Variants in DLX3 observed in about 807,000 individuals in gnomAD.
DLX3 encodes the protein homeobox protein DLX-3.
Under a neutral mutation model 28.0 loss-of-function variants are expected in DLX3, and 9 were observed. The observed-to-expected ratio is 0.32, with a 90% confidence interval of 0.19 to 0.56. DLX3 has a LOEUF of 0.56. DLX3 is among the 20% of genes least tolerant of loss of function. The pLI is 0.91. For missense variants in DLX3, 313 were observed against 378.2 expected (o/e 0.83, Z 1.43); for synonymous variants, 154 against 167.9 (o/e 0.92, Z 0.64).
rs1332407095 is a variant in DLX3 at position 49,994,878 on chromosome 17, C to A, written c.121G>T (p.Gly41Cys). 2.5e-6 allele frequency: 4 copies of A among 1,614,204 alleles called. No homozygotes were observed. The highest frequency in any genetic ancestry group is 2.5e-6 in the Non-Finnish European group (3 of 1,180,044). Reference protein sequence around the residue: ...TLPESSVTDLGYYSAPQHDYY... With the variant: ...TLPESSVTDLCYYSAPQHDYY... ...TCGTGCTGGGGAGCGCTGTAGTAGCCCAGGTCAGTGACAGAAGACTCGGGC... is the reference window on the plus strand; with the variant it reads ...TCGTGCTGGGGAGCGCTGTAGTAGCACAGGTCAGTGACAGAAGACTCGGGC... Residue 41 changes from glycine to cysteine, a missense_variant, in exon 1 of 3, where the codon GGC becomes TGC. Gly to Cys is a radical substitution (Grantham distance 159, BLOSUM62 -3). This residue lies in a region of DLX3 where 183 missense variants were observed against 197.7 expected (regional missense o/e 0.93). Coordinates refer to ENST00000434704, the MANE Select transcript of DLX3 (RefSeq NM_005220.3).
chr17:49,994,094 C>CA (rs2144186300), intron 1 of DLX3, among the ~76,000 whole-genome samples: 1 of 135,592 alleles, frequency 7.4e-6, no homozygotes, highest in South Asian at 2.7e-4. Flanking sequence ...TTCTTCCCCC[C>CA]TTCCTTCTCT....
At chr17:49,991,913 A>C in intron 2 of DLX3, 49 bp from the exon 3 acceptor site, 1 of 1,574,794 alleles carries the variant, frequency 6.4e-7, no homozygotes, top group Non-Finnish European at 8.7e-7. Flanking sequence ...AGAATGCTAA[A>C]ACAACCCTGG....
Position 49,991,810 on chromosome 17 carries a change from C to G in DLX3, c.571G>C (p.Gly191Arg), listed in dbSNP as rs145991664. The G allele has an allele frequency of 3.1e-6, 5 of 1,614,072 alleles. No homozygotes were observed. Among genetic ancestry groups the G allele is most frequent in the Non-Finnish European group, 8.5e-7 (1 of 1,180,022 alleles). ...RSKFKKLYKN[G>R]EVPLEHSPNN... Reference sequence around the variant, plus strand: ...GGACTGTGCTCCAGCGGCACCTCCCCGTTCTTGTAGAGTTTCTTGAACTTG... The same window carrying G: ...GGACTGTGCTCCAGCGGCACCTCCCGGTTCTTGTAGAGTTTCTTGAACTTG... The change falls in exon 3 of 3, where the codon GGG becomes CGG. Residue 191 changes from glycine (G) to arginine (R), a missense_variant. By Grantham distance (125) the Gly-to-Arg change is moderately radical. Around this residue, in one of 3 missense-constraint regions of DLX3, gnomAD observed 120 missense variants for 145.4 expected, o/e 0.83. Transcript: ENST00000434704.
In DLX3 at chr17:49,994,882, G is replaced by A; in HGVS notation, c.117C>T (p.Asp39=). ...GCTGGGGAGCGCTGTAGTAGCCCAG[G>A]TCAGTGACAGAAGACTCGGGCAGGG... ...SPTLPESSVT[D]LGYYSAPQHD... The change falls in exon 1 of 3, where the codon GAC becomes GAT. Residue 39 remains aspartate, a synonymous_variant. Transcript: ENST00000434704. The A allele has an allele frequency of 6.2e-7, 1 of 1,614,244 alleles. No individual in the cohort carries two copies. Among genetic ancestry groups the A allele is most frequent in the East Asian group, 2.2e-5 (1 of 44,886 alleles).
chr17:49,992,591 C>T (rs900044904), intron 2 of DLX3, among the ~76,000 whole-genome samples: 1 of 152,136 alleles, frequency 6.6e-6, no homozygotes, highest in Non-Finnish European at 1.5e-5. Flanking sequence ...GTATCTCCCC[C>T]TCCCCCTGCC....
intron 2 of DLX3, 119 bp downstream of exon 2, chr17:49,993,281 C>A: frequency 9.0e-7 from 1 of 1,113,022 alleles, no homozygotes; most frequent in South Asian, 1.5e-5. Context: ...AGGCCCCCAT[C>A]CCAAAGGCAA....
Position 49,994,611 on chromosome 17 carries a change from C to G in DLX3, c.325+63G>C, listed in dbSNP as rs1906212867. On this transcript the variant is annotated intron_variant, in intron 1 of 2. Transcript: ENST00000434704. ...CCTAGATTTTGGCTTCCAGTCCATG[C>G]CTTTTCCTCCCTCGGGAACCTTCCA... 6 of 1,588,278 alleles carry G rather than the reference C, an allele frequency of 3.8e-6. No homozygotes were observed. In the South Asian group the frequency reaches 5.6e-5, roughly 15 times the overall value.
Position 49,995,188 on chromosome 17 carries a change from G to C in DLX3, c.-190C>G. On this transcript the variant is annotated 5_prime_UTR_variant, in exon 1 of 3. Coordinates refer to ENST00000434704, the MANE Select transcript of DLX3 (RefSeq NM_005220.3). ...TTGCCTGCCGTCAGGCGGTCGCTGC[G>C]CGCCTCTCCTCGCGTCCCAAGCCAC... 1 of 708,978 alleles carries C rather than the reference G, an allele frequency of 1.4e-6. No individual in the cohort carries two copies. Among genetic ancestry groups the C allele is most frequent in the Non-Finnish European group, 2.4e-6 (1 of 419,708 alleles). The allele number at this position is 708,978 out of a possible 1,614,324, so 43.9% of individuals were successfully genotyped here.
chr17:49,993,904 G>A (rs1490844142), intron 1 of DLX3, among the ~76,000 whole-genome samples: 3 of 152,000 alleles, frequency 2.0e-5, no homozygotes, highest in Non-Finnish European at 4.4e-5. Context: ...TCCCAGCCTC[G>A]GGGCTCCTCG....
Position 49,990,300 on chromosome 17 carries a change from A to G in DLX3, c.*1217T>C, listed in dbSNP as rs1217686408. ...CTTCTCTCTGTTGCTCTTAAAAAAA[A>G]AAAACTTACTATATATTTATATATA... On this transcript the variant is annotated 3_prime_UTR_variant, in exon 3 of 3. Coordinates refer to ENST00000434704, the MANE Select transcript of DLX3 (RefSeq NM_005220.3). 1 of 151,886 alleles carries G rather than the reference A, an allele frequency of 6.6e-6. No homozygotes were observed. The highest frequency in any genetic ancestry group is 1.5e-5 in the Non-Finnish European group (1 of 67,998). 9.4% of individuals were successfully genotyped at this position (151,886 alleles called of 1,614,324 possible).
chr17:49,992,641 C>A (rs1157697084), intron 2 of DLX3, among the ~76,000 whole-genome samples: 1 of 152,106 alleles, frequency 6.6e-6, no homozygotes, highest in Non-Finnish European at 1.5e-5. Context: ...TGAATCAGCT[C>A]CTCACCAGGT....
At position 49,994,802 on chromosome 17, in the gene DLX3, T is replaced by C. The variant is rs1906220264; in HGVS notation, c.197A>G (p.His66Arg). The C allele has an allele frequency of 6.2e-7, 1 of 1,614,114 alleles. No homozygotes were observed. The highest frequency in any genetic ancestry group is 1.1e-5 in the South Asian group (1 of 91,074). ...AAGCCCATTGAGATTGAATTGGTGGTGGTAGGTGTAGGGGTTCACCGTCTG... is the reference window on the plus strand; with the variant it reads ...AAGCCCATTGAGATTGAATTGGTGGCGGTAGGTGTAGGGGTTCACCGTCTG... ...YGQTVNPYTY[H>R]HQFNLNGLAG... The change falls in exon 1 of 3, where the codon CAC becomes CGC. Residue 66 changes from histidine (H) to arginine (R), a missense_variant. By Grantham distance (29) the His-to-Arg change is conservative (BLOSUM62 0). Coordinates refer to ENST00000434704, the MANE Select transcript of DLX3 (RefSeq NM_005220.3).
Position 49,993,480 on chromosome 17 carries a change from G to A in DLX3, c.436C>T (p.Arg146Cys), listed in dbSNP as rs1205897217. The A allele has an allele frequency of 2.4e-5, 38 of 1,612,686 alleles. No homozygotes were observed. Among genetic ancestry groups the A allele is most frequent in the Non-Finnish European group, 3.0e-5 (35 of 1,179,420 alleles). The change falls in exon 2 of 3, where the codon CGC becomes TGC. Residue 146 changes from arginine to cysteine, a missense_variant. By Grantham distance (180) the Arg-to-Cys change is radical. Transcript: ENST00000434704. Reference sequence around the variant, plus strand: ...AGGTACTGGGCCTTCTGGAAGCGGCGCTGCAGGGCGGCCAGCTGGTAGCTG... The same window carrying A: ...AGGTACTGGGCCTTCTGGAAGCGGCACTGCAGGGCGGCCAGCTGGTAGCTG... ...YSSYQLAALQ[R>C]RFQKAQYLAL...
Position 49,991,312 on chromosome 17 carries a change from A to G in DLX3, c.*205T>C, listed in dbSNP as rs1331891614. On this transcript the variant is annotated 3_prime_UTR_variant, in exon 3 of 3. Coordinates refer to ENST00000434704, the MANE Select transcript of DLX3 (RefSeq NM_005220.3). ...CATCTGGAGGGGTACCCCAGTGTCT[A>G]GGCAGAGGGAGGGAGGTTCAGGGGG... The G allele has an allele frequency of 1.7e-6, 1 of 575,292 alleles. No individual in the cohort carries two copies. The highest frequency in any genetic ancestry group is 1.9e-5 in the African/African-American group (1 of 53,322). The allele number at this position is 575,292 out of a possible 1,614,324, so 35.6% of individuals were successfully genotyped here. A position where few individuals can be genotyped will look rare whatever the true frequency, so the allele number is the denominator to read the frequency against.
chr17:49,993,889 TCG>T (rs1290886692), intron 1 of DLX3, among the ~76,000 whole-genome samples: 1 of 152,072 alleles, frequency 6.6e-6, no homozygotes, highest in African/African-American at 2.4e-5. Flanking sequence ...CCTTCCCGGC[TCG>T]CCTCCCAGCC....
rs1906091053 is a variant in DLX3 at position 49,991,578 on chromosome 17, T to C, written c.803A>G (p.Gln268Arg). 1 of 1,612,764 alleles carries C rather than the reference T, an allele frequency of 6.2e-7. No homozygotes were observed. The change falls in exon 3 of 3, where the codon CAG becomes CGG. Residue 268 changes from glutamine to arginine, a missense_variant. Coordinates refer to ENST00000434704, the MANE Select transcript of DLX3 (RefSeq NM_005220.3). Reference sequence around the variant, plus strand: ...AGAGGCATGGTGCAGGGTGGCTGGCTGAGGCGGCTGCTGCTGTAAGTGGGG... The same window carrying C: ...AGAGGCATGGTGCAGGGTGGCTGGCCGAGGCGGCTGCTGCTGTAAGTGGGG... ...SGPHLQQQPP[Q>R]PATLHHASPG... is the part of the protein sequence containing the mutation.
In DLX3 at chr17:49,991,355, AT is replaced by A; in HGVS notation, c.*161del. On this transcript the variant is annotated 3_prime_UTR_variant, in exon 3 of 3. Transcript: ENST00000434704. ...TCAGGGGGCATCCTTGGTCCATGCA[AT>A]TGTCATCTGGAAGCGCTTGGGTCCC... is the stretch of plus-strand genomic sequence containing the variant. 1 of 659,968 alleles carries A rather than the reference AT, an allele frequency of 1.5e-6. No homozygotes were observed. The highest frequency in any genetic ancestry group is 2.0e-5 in the South Asian group (1 of 51,056). The allele number at this position is 659,968 out of a possible 1,614,324, so 40.9% of individuals were successfully genotyped here.
chr17:49,992,869 T>G (rs1226606236), intron 2 of DLX3, among the ~76,000 whole-genome samples: 1 of 152,156 alleles, frequency 6.6e-6, no homozygotes, highest in Non-Finnish European at 1.5e-5. Context: ...AGCGTTCAAG[T>G]GCTGAGCAGG....
chr17:49,992,389 A>C (rs1423634474), intron 2 of DLX3, among the ~76,000 whole-genome samples: 1 of 152,144 alleles, frequency 6.6e-6, no homozygotes, highest in Non-Finnish European at 1.5e-5. Flanking sequence ...TCCCACTCAC[A>C]GCCTCACACA....
Sources: allele counts gnomAD v4.1 joint callset (sites outside exome capture counted in the v4.1 genomes callset), GRCh38; gene constraint gnomAD v4.1.1; regional missense constraint gnomAD v4.1.1; transcripts MANE v1.5; gene names NCBI Gene and HGNC (gene_info 2026-07-23, HGNC 2026-07-21).